Variants in CTNNA2 observed in about 807,000 individuals in gnomAD.
CTNNA2 encodes catenin alpha-2.
A neutral mutation model predicts 101.0 loss-of-function variants in CTNNA2; 42 were observed. The ratio of observed to expected loss-of-function variants is 0.42; its 90% CI spans 0.32 to 0.54. CTNNA2 has a LOEUF of 0.54. CTNNA2 is among the 20% of genes least tolerant of loss of function. The probability of loss-of-function intolerance (pLI) is 0.14; values close to 1 mark genes in which losing one functional copy is unlikely to be tolerated. For synonymous variants in CTNNA2, 450 were observed against 456.4 expected (o/e 0.99, Z 0.18); for missense variants, 871 against 1,223.1 (o/e 0.71, Z 4.29).
intron 4 of CTNNA2, among the ~76,000 whole-genome samples, chr2:79,408,503 G>A (rs1487511312): frequency 7.1e-6 from 1 of 141,622 alleles, no homozygotes; most frequent in Non-Finnish European, 1.5e-5. Context: ...CCCTTTCTGT[G>A]TCCATGTGCT....
intron 3 of CTNNA2, among the ~76,000 whole-genome samples, chr2:79,843,230 C>T (rs1410293174): frequency 1.3e-5 from 2 of 152,200 alleles, no homozygotes; most frequent in Non-Finnish European, 2.9e-5. Context: ...TGTGTATGCT[C>T]ATGCATTTAC....
In CTNNA2 at chr2:79,974,190, T is replaced by C. The variant is rs562822364; in HGVS notation, c.1056+64393T>C. The stretch of plus-strand genomic sequence containing the variant: ...TAGGAAACTTATTGAGCATGATTTC[T>C]TTTAGTCTCAGTTTACCAATCTGTA... On this transcript the variant is annotated intron_variant, in intron 7 of 18. Coordinates refer to ENST00000402739, the MANE Select transcript of CTNNA2 (RefSeq NM_001282597.3). 4.6e-5 allele frequency among the ~76,000 whole-genome samples: 7 copies of C among 152,272 alleles called. No homozygotes were observed. The East Asian group carries it at 1.4e-3, about 29-fold the overall frequency.
chr2:79,421,798 G>C (rs1411545303), intron 4 of CTNNA2, among the ~76,000 whole-genome samples: 1 of 152,096 alleles, frequency 6.6e-6, no homozygotes, highest in Non-Finnish European at 1.5e-5. Context: ...TAGGATGTTA[G>C]GAGAACACTA....
chr2:80,634,502 A>T (rs114419667), intron 18 of CTNNA2, among the ~76,000 whole-genome samples: 1 of 146,274 alleles, frequency 6.8e-6, no homozygotes, highest in Non-Finnish European at 1.5e-5. Flanking sequence ...CAAAATCAGA[A>T]GTATTGGGCC....
chr2:80,637,499 G>A lies in CTNNA2; in HGVS notation c.2575-10086G>A, dbSNP rs561800804. Among the ~76,000 whole-genome samples, 3 of 152,004 alleles carry A rather than the reference G, an allele frequency of 2.0e-5. No individual in the cohort carries two copies. In the East Asian group the frequency reaches 5.8e-4, roughly 29 times the overall value. The stretch of plus-strand genomic sequence containing the variant: ...TGACAGAGAGTGCACAGGAGAGGAA[G>A]AAAGAGGTGGGGAAGAGGTGATCAC... On this transcript the variant is annotated intron_variant, in intron 18 of 18. Coordinates refer to ENST00000402739, the MANE Select transcript of CTNNA2 (RefSeq NM_001282597.3).
At chr2:79,320,741 G>A (rs575424437) in intron 3 of CTNNA2, among the ~76,000 whole-genome samples, 3 of 152,224 alleles carry the variant, frequency 2.0e-5, no homozygotes, top group South Asian at 2.1e-4. Context: ...GGGAGGTCAG[G>A]TCAGGCCTAT....
chr2:79,521,876 C>A (rs1329789298), intron 1 of CTNNA2, among the ~76,000 whole-genome samples: 3 of 152,040 alleles, frequency 2.0e-5, no homozygotes, highest in Non-Finnish European at 4.4e-5. Flanking sequence ...GGCAGGGAAT[C>A]TGGACCCAAG....
intron 4 of CTNNA2, among the ~76,000 whole-genome samples, chr2:79,461,951 A>C (rs1458348795): frequency 6.6e-6 from 1 of 152,030 alleles, no homozygotes; most frequent in Non-Finnish European, 1.5e-5. Context: ...AAAATTTTTT[A>C]ATTAAAGAGA....
At chr2:79,211,283 AAC>A (rs1674169055) in intron 2 of CTNNA2, among the ~76,000 whole-genome samples, 1 of 152,132 alleles carries the variant, frequency 6.6e-6, no homozygotes, top group African/African-American at 2.4e-5. Flanking sequence ...AGAGCTGAAA[AAC>A]ACAGACTATC....
At chr2:79,658,158 C>T (rs1681754194) in intron 2 of CTNNA2, among the ~76,000 whole-genome samples, 2 of 151,658 alleles carry the variant, frequency 1.3e-5, no homozygotes, top group Admixed American at 6.6e-5. Context: ...ATTTCATTTG[C>T]AGTTTTGTAA....
chr2:79,914,785 T>C (rs1418111006), intron 7 of CTNNA2, among the ~76,000 whole-genome samples: 1 of 152,130 alleles, frequency 6.6e-6, no homozygotes, highest in African/African-American at 2.4e-5. Flanking sequence ...TCCAACTTTT[T>C]TTCAAGCCTC....
chr2:80,148,941 T>G (rs1016107055), intron 7 of CTNNA2, among the ~76,000 whole-genome samples: 1 of 151,916 alleles, frequency 6.6e-6, no homozygotes, highest in Non-Finnish European at 1.5e-5. Context: ...TGATGTGTCA[T>G]TAGCACTGCT....
Position 79,861,333 on chromosome 2 carries a change from A to G in CTNNA2, c.465+3154A>G, listed in dbSNP as rs75772029. Among the ~76,000 whole-genome samples, 604 of 152,330 alleles carry G rather than the reference A, an allele frequency of 4.0e-3. 7 individuals are homozygous for G. The highest frequency in any genetic ancestry group is 0.014 in the African/African-American group (583 of 41,564). ...ATGTTAATTTTTCTCATCTCTGAGT[A>G]ACTCAGAGGAACAAAGAGAGAATTA... On this transcript the variant is annotated intron_variant, in intron 4 of 18. Transcript: ENST00000402739.
intron 2 of CTNNA2, among the ~76,000 whole-genome samples, chr2:79,739,215 A>T (rs1671112911): frequency 6.6e-6 from 1 of 152,076 alleles, no homozygotes; most frequent in Admixed American, 6.6e-5. Flanking sequence ...GTTGGGGCAG[A>T]GGGAGGCCTA....
chr2:80,323,164 C>T (rs1678885476), intron 7 of CTNNA2, among the ~76,000 whole-genome samples: 1 of 152,120 alleles, frequency 6.6e-6, no homozygotes, highest in Non-Finnish European at 1.5e-5. Context: ...TTTCGTGTAG[C>T]TCAGTGGGGT....
chr2:79,925,419 C>G (rs1352280381), intron 7 of CTNNA2, among the ~76,000 whole-genome samples: 1 of 151,924 alleles, frequency 6.6e-6, no homozygotes. Flanking sequence ...TTCAGGACAA[C>G]CATTAGGGAA....
intron 7 of CTNNA2, among the ~76,000 whole-genome samples, chr2:80,144,679 T>A (rs998496518): frequency 1.3e-5 from 2 of 152,186 alleles, no homozygotes; most frequent in Non-Finnish European, 2.9e-5. Context: ...ATTAATCCAG[T>A]TGTATTTGTC....
intron 17 of CTNNA2, among the ~76,000 whole-genome samples, chr2:80,617,559 T>C (rs746342125): frequency 6.6e-6 from 1 of 151,818 alleles, no homozygotes; most frequent in African/African-American, 2.4e-5. Flanking sequence ...TCTTTTTATA[T>C]GCAAGACTTT....
chr2:80,591,722 G>T (rs548033549), intron 15 of CTNNA2, among the ~76,000 whole-genome samples: 6 of 152,024 alleles, frequency 3.9e-5, no homozygotes, highest in African/African-American at 1.4e-4. Flanking sequence ...GGGCATGTGG[G>T]TACACAATAC....
Sources: allele counts gnomAD v4.1 joint callset (sites outside exome capture counted in the v4.1 genomes callset), GRCh38; gene constraint gnomAD v4.1.1; transcripts MANE v1.5; gene names NCBI Gene and HGNC (gene_info 2026-07-23, HGNC 2026-07-21).